CUX2: variants seen among roughly 807,000 people sequenced by gnomAD.
CUX2 encodes the protein homeobox protein cut-like 2.
In CUX2, 40 loss-of-function variants were observed where a neutral mutation model predicts 144.8. The observed-to-expected ratio is 0.28, with a 90% CI of 0.21 to 0.36. The LOEUF is 0.36. Among genes scored for constraint, CUX2 ranks in the 10% least tolerant of loss-of-function variants. The pLI, the probability that CUX2 is intolerant of heterozygous loss-of-function variation, is 1.00. For synonymous variants in CUX2, 827 were observed against 875.6 expected (o/e 0.94, Z 0.98); for missense variants, 1,615 against 1,994.0 (o/e 0.81, Z 3.62).
In CUX2 at chr12:111,307,695, T is replaced by C. The variant is rs993479969; in HGVS notation, c.1109+438T>C. On this transcript the variant is annotated intron_variant, in intron 12 of 21. Coordinates refer to ENST00000261726, the MANE Select transcript of CUX2 (RefSeq NM_015267.4). The surrounding 1 kb of genome is among the most constrained non-coding windows in gnomAD (Gnocchi z 4.1). The stretch of plus-strand genomic sequence containing the variant: ...CTGGACAACACAGTGAGACCCTGTC[T>C]CAAAAACAAAACGAAATTCAACCAT... Among the ~76,000 whole-genome samples the C allele has an allele frequency of 3.9e-5, 6 of 152,054 alleles. No individual in the cohort carries two copies. Among genetic ancestry groups the C allele is most frequent in the African/African-American group, 1.4e-4 (6 of 41,380 alleles).
At chr12:111,271,575 G>T (rs1018677697) in intron 4 of CUX2, among the ~76,000 whole-genome samples, 3 of 152,162 alleles carry the variant, frequency 2.0e-5, no homozygotes, top group African/African-American at 7.2e-5. Context: ...TATTGGTACT[G>T]TGCTGTACCA....
intron 18 of CUX2, among the ~76,000 whole-genome samples, chr12:111,332,749 C>A (rs145917384): frequency 1.3e-5 from 2 of 152,320 alleles, no homozygotes; most frequent in East Asian, 3.9e-4. Flanking sequence ...TTGAGGAATT[C>A]ATTGACATCT....
At position 111,160,524 on chromosome 12, in the gene CUX2, C is replaced by T. The variant is rs973026009; in HGVS notation, c.64-53676C>T. On this transcript the variant is annotated intron_variant, in intron 1 of 21. Coordinates refer to ENST00000261726, the MANE Select transcript of CUX2 (RefSeq NM_015267.4). The surrounding 1 kb of genome is among the most constrained non-coding windows in gnomAD (Gnocchi z 4.1). ...GAGGGCCCTTCCTGGTCCAAGAACT[C>T]GCGTGACCCGGCACAGAGGGGGCGC... is the stretch of plus-strand genomic sequence containing the variant. Among the ~76,000 whole-genome samples, 42 of 152,178 alleles carry T rather than the reference C, an allele frequency of 2.8e-4. 1 individual carries two copies. Among genetic ancestry groups the T allele is most frequent in the Non-Finnish European group, 1.0e-4 (7 of 68,040 alleles).
intron 1 of CUX2, among the ~76,000 whole-genome samples, chr12:111,211,163 A>G (rs1881205919): frequency 6.6e-6 from 1 of 152,206 alleles, no homozygotes; most frequent in Admixed American, 6.5e-5. Context: ...TAGTGTGTTT[A>G]CCAGTGAACT....
chr12:111,212,978 AAT>A (rs1346686769), intron 1 of CUX2, among the ~76,000 whole-genome samples: 5 of 152,230 alleles, frequency 3.3e-5, no homozygotes, highest in Non-Finnish European at 2.9e-5. Context: ...GTGCAAGAGG[AAT>A]GTGTATTAGT....
At chr12:111,210,058 T>G (rs1260246906) in intron 1 of CUX2, among the ~76,000 whole-genome samples, 2 of 151,966 alleles carry the variant, frequency 1.3e-5, no homozygotes, top group Non-Finnish European at 2.9e-5. Flanking sequence ...GGGGGGCTGG[T>G]GGGGCCAGCA....
chr12:111,202,898 G>A (rs1434789807), intron 1 of CUX2, among the ~76,000 whole-genome samples: 1 of 152,110 alleles, frequency 6.6e-6, no homozygotes, highest in Non-Finnish European at 1.5e-5. Context: ...GGAGCAGCCA[G>A]TGCAAAGGCT....
intron 3 of CUX2, among the ~76,000 whole-genome samples, chr12:111,256,168 A>G (rs1883808627): frequency 6.6e-6 from 1 of 151,378 alleles, no homozygotes; most frequent in Admixed American, 6.6e-5. Context: ...TACCCACCGC[A>G]CCAAACCTAT....
intron 1 of CUX2, among the ~76,000 whole-genome samples, chr12:111,055,056 G>C (rs1035166904): frequency 3.9e-5 from 6 of 152,248 alleles, no homozygotes; most frequent in Non-Finnish European, 8.8e-5. Flanking sequence ...ACGCTCTCCT[G>C]TCTCTTGTTA....
Position 111,296,534 on chromosome 12 carries a change from A to G in CUX2, c.699A>G (p.Ala233=). 6.2e-7 allele frequency: 1 copy of G among 1,611,066 alleles called. No individual in the cohort carries two copies. The highest frequency in any genetic ancestry group is 8.5e-7 in the Non-Finnish European group (1 of 1,178,512). Residue 233 remains alanine (A), a synonymous_variant, in exon 8 of 22, where the codon GCA becomes GCG. Coordinates refer to ENST00000261726, the MANE Select transcript of CUX2 (RefSeq NM_015267.4). The stretch of plus-strand genomic sequence containing the variant: ...GGCGGAAGTACGACGAGGAGGCAGC[A>G]TCCAAGTAAGTGAGCCCTGCTGAGG... The part of the protein sequence containing the change: ...ELRRKYDEEA[A]SKADEVGLIM...
chr12:111,303,794 G>T (rs1403841958), intron 9 of CUX2, among the ~76,000 whole-genome samples: 1 of 152,152 alleles, frequency 6.6e-6, no homozygotes, highest in Non-Finnish European at 1.5e-5. Flanking sequence ...AACAGCTCTT[G>T]CCTTCAGACT....
chr12:111,093,123 A>G (rs937514185), intron 1 of CUX2, among the ~76,000 whole-genome samples: 4 of 152,196 alleles, frequency 2.6e-5, no homozygotes, highest in Non-Finnish European at 4.4e-5. Flanking sequence ...GCCAGGCCCA[A>G]CAGATTTAAG....
chr12:111,343,932 A>G (rs1888686434), intron 21 of CUX2, among the ~76,000 whole-genome samples: 1 of 152,148 alleles, frequency 6.6e-6, no homozygotes, highest in African/African-American at 2.4e-5. Context: ...AGGGGCTTGT[A>G]ATTCCAGCTA....
chr12:111,214,596 G>A (rs1263792840), intron 2 of CUX2, among the ~76,000 whole-genome samples: 1 of 152,078 alleles, frequency 6.6e-6, no homozygotes, highest in Non-Finnish European at 1.5e-5. Context: ...TCAGATGCCT[G>A]GCCTTGCTGG....
Position 111,057,213 on chromosome 12 carries a change from A to C in CUX2, c.63+22973A>C, listed in dbSNP as rs991949825. On this transcript the variant is annotated intron_variant, in intron 1 of 21. Transcript: ENST00000261726. This position sits in a 1 kb window ranked among gnomAD's most constrained non-coding sequence, Gnocchi z 5.1. ...CAGTGGGTGTGATAGGAAGTGGCCC[A>C]GTAGCAAGTAAGTGTGACAAGAAAT... Among the ~76,000 whole-genome samples, 2 of 152,012 alleles carry C rather than the reference A, an allele frequency of 1.3e-5. No homozygotes were observed. The highest frequency in any genetic ancestry group is 4.8e-5 in the African/African-American group (2 of 41,354).
rs998404292 is a variant in CUX2, at chr12:111,304,069, A to C, written c.754-141A>C. ...CTCTGTGACTGGTCTTCATAGCTCC[A>C]GGACAGGGTCCGGGACTAGGAAGGC... On this transcript the variant is annotated intron_variant, in intron 9 of 21. Transcript: ENST00000261726. This position sits in a 1 kb window ranked among gnomAD's most constrained non-coding sequence, Gnocchi z 4.7. The C allele has an allele frequency of 1.6e-6, 1 of 633,538 alleles. No individual in the cohort carries two copies. The highest frequency in any genetic ancestry group is 2.8e-6 in the Non-Finnish European group (1 of 355,766). The allele number at this position is 633,538 out of a possible 1,614,324, so 39.2% of individuals were successfully genotyped here.
intron 21 of CUX2, among the ~76,000 whole-genome samples, chr12:111,346,363 T>C (rs1171391862): frequency 1.3e-5 from 2 of 148,882 alleles, no homozygotes; most frequent in Admixed American, 1.3e-4. Flanking sequence ...GTAATCCCAG[T>C]TGCTCGGGAA....
rs548160377 is a variant in CUX2, at chr12:111,143,403, G to C, written c.64-70797G>C. The stretch of plus-strand genomic sequence containing the variant: ...CATTTTTCACAGAGCCCTGTCATTC[G>C]CACCAGGCGTCGTCCACGTTGTCAT... On this transcript the variant is annotated intron_variant, in intron 1 of 21. Transcript: ENST00000261726. 2.0e-5 allele frequency among the ~76,000 whole-genome samples: 3 copies of C among 152,138 alleles called. No individual in the cohort carries two copies. The South Asian group carries it at 6.2e-4, about 32-fold the overall frequency.
chr12:111,136,509 T>G (rs1232402964), intron 1 of CUX2, among the ~76,000 whole-genome samples: 1 of 152,000 alleles, frequency 6.6e-6, no homozygotes, highest in Non-Finnish European at 1.5e-5. Flanking sequence ...TCTGGAAAAA[T>G]TGCAGGTGCA....
Sources: gnomAD v4.1 joint callset for allele counts (sites outside exome capture counted in the v4.1 genomes callset) on GRCh38, gnomAD v4.1.1 for gene constraint, Gnocchi (gnomAD v3.1) non-coding constraint, MANE v1.5 for transcripts, NCBI Gene and HGNC (gene_info 2026-07-23, HGNC 2026-07-21) for gene names.